NUP210L: variants seen among roughly 807,000 people sequenced by gnomAD.
NUP210L encodes the protein nucleoporin 210 like, also known as nuclear pore membrane glycoprotein 210-like.
In NUP210L, 74 loss-of-function variants were observed where a neutral mutation model predicts 208.5. The ratio of observed to expected loss-of-function variants is 0.35; its 90% CI spans 0.29 to 0.43. NUP210L has a LOEUF of 0.43. Ranked by LOEUF, NUP210L falls within the 20% of genes least tolerant of loss-of-function variation. The pLI, the probability that NUP210L is intolerant of heterozygous loss-of-function variation, is 1.00. For synonymous variants in NUP210L, 780 were observed against 816.9 expected, an observed-to-expected ratio of 0.95 and a Z score of 0.77; for missense variants, 1,843 against 2,289.4, an observed-to-expected ratio of 0.81 and a Z score of 3.98.
At chr1:153,999,196 A>G (rs1312609793) in intron 37 of NUP210L, among the ~76,000 whole-genome samples, 1 of 152,206 alleles carries the variant, frequency 6.6e-6, no homozygotes, top group African/African-American at 2.4e-5. Flanking sequence ...GTTCCCAGTA[A>G]TTAAGTAGCT....
At chr1:154,079,273 T>A (rs1655189813) in intron 16 of NUP210L, 1 of 151,844 alleles carries the variant, frequency 6.6e-6, no homozygotes, top group African/African-American at 2.4e-5. Flanking sequence ...AAAAAGTAAA[T>A]AAAATAATAA....
intron 13 of NUP210L, among the ~76,000 whole-genome samples, chr1:154,100,444 A>G (rs1571271743): frequency 6.9e-6 from 1 of 145,420 alleles, no homozygotes; most frequent in African/African-American, 2.5e-5. Flanking sequence ...GTAAGACCTT[A>G]CCTAAAAAAA....
chr1:153,995,464 C>T (rs1296849766), intron 37 of NUP210L, among the ~76,000 whole-genome samples: 4 of 152,180 alleles, frequency 2.6e-5, no homozygotes. Context: ...CTTGGCTCAA[C>T]CGCGTCTTTT....
chr1:154,127,162 A>G, intron 9 of NUP210L, 149 bp downstream of exon 9: 1 of 456,138 alleles, frequency 2.2e-6, no homozygotes, highest in Non-Finnish European at 3.8e-6. Context: ...AATTAATGAT[A>G]ATAATAAATT....
intron 33 of NUP210L, among the ~76,000 whole-genome samples, chr1:154,014,477 T>A (rs2147914632): frequency 6.6e-6 from 1 of 152,314 alleles, no homozygotes; most frequent in South Asian, 2.1e-4. Context: ...CTTATCTGCT[T>A]ATAATACAAG....
intron 27 of NUP210L, among the ~76,000 whole-genome samples, chr1:154,031,956 C>T (rs896257011): frequency 1.2e-4 from 19 of 152,232 alleles, no homozygotes; most frequent in African/African-American, 4.6e-4. Context: ...CCACAAACTC[C>T]TGGGCTCAAG....
Position 154,117,894 on chromosome 1 carries a change from C to G in NUP210L, c.1465-14G>C. On this transcript the variant is annotated splice_polypyrimidine_tract_variant and intron_variant, in intron 11 of 39. Coordinates refer to ENST00000368559, the Ensembl canonical transcript of NUP210L. ...GCCACCCTCTACCTGTGAAAACACA[C>G]ATTACATTTAATTACAATCGGAAGA... 1 of 1,569,134 alleles carries G rather than the reference C, an allele frequency of 6.4e-7. No individual in the cohort carries two copies. Among genetic ancestry groups the G allele is most frequent in the Non-Finnish European group, 8.7e-7 (1 of 1,151,478 alleles).
chr1:154,035,969 G>A (rs56287424), intron 27 of NUP210L, among the ~76,000 whole-genome samples: 38,548 of 151,260 alleles, frequency 0.25, 5,394 homozygotes, highest in Admixed American at 0.37. Context: ...TCCTGACCTC[G>A]TGATCCACCG....
chr1:154,004,187 G>A (rs374313012), intron 35 of NUP210L, among the ~76,000 whole-genome samples: 1 of 151,012 alleles, frequency 6.6e-6, no homozygotes, highest in African/African-American at 2.4e-5. Flanking sequence ...TTCTGCCTCA[G>A]CCTCCCGAGT....
intron 14 of NUP210L, among the ~76,000 whole-genome samples, chr1:154,098,513 C>T (rs1328757018): frequency 2.0e-5 from 3 of 152,126 alleles, no homozygotes; most frequent in African/African-American, 7.2e-5. Flanking sequence ...TCAGAGGAGG[C>T]CCTGGAGTGG....
intron 18 of NUP210L, 100 bp from the exon 19 acceptor site, chr1:154,061,146 G>A: frequency 1.3e-6 from 1 of 759,440 alleles, no homozygotes; most frequent in Admixed American, 2.3e-5. Context: ...GGGAGGGTAA[G>A]GCAGGCAGAT....
At chr1:154,013,625 A>G (rs1651085197) in intron 33 of NUP210L, among the ~76,000 whole-genome samples, 1 of 152,010 alleles carries the variant, frequency 6.6e-6, no homozygotes, top group South Asian at 2.1e-4. Context: ...ACACAAAAAA[A>G]ACAACTGCAA....
At chr1:154,053,824 C>T (rs1653659874) in intron 25 of NUP210L, among the ~76,000 whole-genome samples, 1 of 152,190 alleles carries the variant, frequency 6.6e-6, no homozygotes, top group Non-Finnish European at 1.5e-5. Context: ...CCTGATTTCC[C>T]ACTCCACACT....
At chr1:154,082,722 T>G (rs151295464) in intron 16 of NUP210L, among the ~76,000 whole-genome samples, 2 of 152,334 alleles carry the variant, frequency 1.3e-5, no homozygotes, top group East Asian at 3.9e-4. Context: ...GAAACGGAGT[T>G]TGTTCCTTCA....
At chr1:154,119,071 T>C (rs1657480547) in intron 10 of NUP210L, among the ~76,000 whole-genome samples, 1 of 152,040 alleles carries the variant, frequency 6.6e-6, no homozygotes, top group Non-Finnish European at 1.5e-5. Flanking sequence ...AGCTTAAAAT[T>C]CCCTGAAATA....
intron 12 of NUP210L, among the ~76,000 whole-genome samples, chr1:154,116,147 C>T (rs1380003604): frequency 1.3e-5 from 2 of 149,794 alleles, no homozygotes; most frequent in South Asian, 2.1e-4. Flanking sequence ...CCCAGCTACT[C>T]GGGAGGCTGA....
At chr1:154,059,656 A>AG (rs1654038814) in intron 20 of NUP210L, among the ~76,000 whole-genome samples, 1 of 152,158 alleles carries the variant, frequency 6.6e-6, no homozygotes, top group African/African-American at 2.4e-5. Context: ...TAGTAGGGGG[A>AG]GAAAGCATTA....
chr1:154,118,628 G>T (rs774800717), intron 11 of NUP210L, 43 bp downstream of exon 11: 4 of 1,292,404 alleles, frequency 3.1e-6, no homozygotes, highest in Admixed American at 2.6e-5. Flanking sequence ...AGCTATTAGA[G>T]AAACCGGCTT....
intron 10 of NUP210L, among the ~76,000 whole-genome samples, chr1:154,119,804 T>C (rs946210625): frequency 6.6e-6 from 1 of 152,140 alleles, no homozygotes; most frequent in Non-Finnish European, 1.5e-5. Context: ...TAATGGACAT[T>C]TGGGTTGGTT....
Sources: allele counts gnomAD v4.1 joint callset (sites outside exome capture counted in the v4.1 genomes callset), GRCh38; gene constraint gnomAD v4.1.1; transcripts MANE v1.5; gene names NCBI Gene and HGNC (gene_info 2026-07-23, HGNC 2026-07-21).